Variants in PRIM2 observed in about 807,000 individuals in gnomAD.
PRIM2 encodes the protein DNA primase large subunit.
PRIM2 carries 39 observed loss-of-function variants against 67.3 expected under a neutral mutation model. The ratio of observed to expected loss-of-function variants is 0.58; its 90% CI spans 0.45 to 0.76. The LOEUF (loss-of-function observed/expected upper bound fraction) is 0.76. Among genes scored for constraint, PRIM2 ranks in the 30% least tolerant of loss-of-function variants. The probability of loss-of-function intolerance (pLI) is 0.00; values close to 1 mark genes in which losing one functional copy is unlikely to be tolerated. For synonymous variants in PRIM2, 143 were observed against 198.7 expected (o/e 0.72, Z 2.36); for missense variants, 398 against 598.7 (o/e 0.66, Z 3.50).
chr6:57,586,160 G>T (rs1345297353), intron 10 of PRIM2, among the ~76,000 whole-genome samples: 3 of 152,184 alleles, frequency 2.0e-5, no homozygotes, highest in Non-Finnish European at 4.4e-5. Context: ...GGATTAGTAA[G>T]ATTAGAGAGG....
chr6:57,459,991 C>G (rs1772946357), intron 7 of PRIM2, among the ~76,000 whole-genome samples: 2 of 152,148 alleles, frequency 1.3e-5, no homozygotes, highest in Non-Finnish European at 1.5e-5. Context: ...CCCTCCTGGT[C>G]ATGAAACATT....
chr6:57,300,567 A>G, the PRIM2 span, among the ~76,000 whole-genome samples: 1 of 152,062 alleles, frequency 6.6e-6, no homozygotes, highest in Non-Finnish European at 1.5e-5. Context: ...TTTGAACTCA[A>G]TCTTCCCATA....
At chr6:57,432,382 GAATGAGA>G (rs148706223) in intron 7 of PRIM2, among the ~76,000 whole-genome samples, 9,313 of 152,164 alleles carry the variant, frequency 0.061, 571 homozygotes, top group African/African-American at 0.16. Context: ...GAAGGGCATT[GAATGAGA>G]AATCTGGGAG....
rs564130683 is a variant in PRIM2 at position 57,411,893 on chromosome 6, A to G, written c.693+29725A>G. On this transcript the variant is annotated intron_variant, in intron 7 of 13. Coordinates refer to ENST00000615550, the MANE Select transcript of PRIM2 (RefSeq NM_000947.5). ...ATAGCAGCATAGTATAAATAATACA[A>G]TTTAATAATGTAATATATAGAGTTG... Among the ~76,000 whole-genome samples the G allele has an allele frequency of 5.8e-3, 888 of 151,930 alleles. 36 individuals carry two copies. The highest frequency in any genetic ancestry group is 0.054 in the Admixed American group (825 of 15,248).
At chr6:57,387,178 T>A (rs981840078) in intron 7 of PRIM2, among the ~76,000 whole-genome samples, 4 of 152,180 alleles carry the variant, frequency 2.6e-5, no homozygotes, top group Non-Finnish European at 5.9e-5. Flanking sequence ...TCATTATGTG[T>A]TTTCCTCCTC....
At chr6:57,407,352 TAAG>T (rs1449034057) in intron 7 of PRIM2, among the ~76,000 whole-genome samples, 1 of 151,948 alleles carries the variant, frequency 6.6e-6, no homozygotes, top group Non-Finnish European at 1.5e-5. Context: ...TTCAAAATAT[TAAG>T]AAGGAAATAA....
intron 7 of PRIM2, among the ~76,000 whole-genome samples, chr6:57,480,155 A>AAGGAG (rs1773579611): frequency 6.6e-6 from 1 of 152,216 alleles, no homozygotes; most frequent in Non-Finnish European, 1.5e-5. Context: ...ACTTGGAAGT[A>AAGGAG]AGGAGAGGTG....
intron 7 of PRIM2, among the ~76,000 whole-genome samples, chr6:57,392,552 A>T (rs1349438815): frequency 2.0e-5 from 3 of 152,136 alleles, no homozygotes; most frequent in Non-Finnish European, 4.4e-5. Flanking sequence ...TCAAATAAAA[A>T]GGAACATAGA....
intron 5 of PRIM2, among the ~76,000 whole-genome samples, chr6:57,372,508 T>A (rs528590130): frequency 6.6e-6 from 1 of 152,180 alleles, no homozygotes; most frequent in African/African-American, 2.4e-5. Flanking sequence ...TCTACTAGAT[T>A]GACACAACTA....
the PRIM2 span, among the ~76,000 whole-genome samples, chr6:57,276,116 G>A: frequency 0.049 from 7,414 of 152,228 alleles, 225 homozygotes; most frequent in Non-Finnish European, 0.072. Context: ...TGGGCCAGGC[G>A]CAGTGGCTCA....
At chr6:57,475,197 T>C (rs1773447050) in intron 7 of PRIM2, among the ~76,000 whole-genome samples, 1 of 152,200 alleles carries the variant, frequency 6.6e-6, no homozygotes, top group Non-Finnish European at 1.5e-5. Context: ...TACAACTTTT[T>C]TGTAATCAGT....
At chr6:57,571,739 C>A (rs1775866777) in intron 10 of PRIM2, among the ~76,000 whole-genome samples, 1 of 152,196 alleles carries the variant, frequency 6.6e-6, no homozygotes, top group Admixed American at 6.5e-5. Context: ...GTCAGACTCA[C>A]AAAACCAAAA....
chr6:57,501,678 ATAAC>A (rs1774135295), intron 7 of PRIM2, among the ~76,000 whole-genome samples: 1 of 152,236 alleles, frequency 6.6e-6, no homozygotes, highest in African/African-American at 2.4e-5. Context: ...CTCTTTCAAA[ATAAC>A]TAACCTACCA....
intron 12 of PRIM2, among the ~76,000 whole-genome samples, chr6:57,623,501 ATATT>A (rs1776894635): frequency 1.3e-5 from 2 of 152,164 alleles, no homozygotes; most frequent in African/African-American, 2.4e-5. Flanking sequence ...ACATCTTTCT[ATATT>A]TATTATGTAT....
the PRIM2 span, among the ~76,000 whole-genome samples, chr6:57,267,756 TAAA>T: frequency 1.3e-5 from 2 of 150,550 alleles, no homozygotes; most frequent in African/African-American, 4.9e-5. Context: ...AAAAAAATTT[TAAA>T]ATTAGCTAGG....
At chr6:57,474,311 A>T (rs1773417954) in intron 7 of PRIM2, among the ~76,000 whole-genome samples, 1 of 143,436 alleles carries the variant, frequency 7.0e-6, no homozygotes, top group South Asian at 2.2e-4. Context: ...AGTAGCTGAG[A>T]CTACAGGCAC....
chr6:57,304,349 G>T, the PRIM2 span, among the ~76,000 whole-genome samples: 1 of 152,186 alleles, frequency 6.6e-6, no homozygotes, highest in Non-Finnish European at 1.5e-5. Context: ...TGCTTTACAA[G>T]TGCCAATACT....
chr6:57,542,228 G>C (rs1455600002), intron 10 of PRIM2, among the ~76,000 whole-genome samples: 1 of 152,120 alleles, frequency 6.6e-6, no homozygotes, highest in Non-Finnish European at 1.5e-5. Flanking sequence ...CACCCGCCTT[G>C]GCCTGCCAAA....
chr6:57,517,899 C>T (rs1365706915), intron 8 of PRIM2, among the ~76,000 whole-genome samples: 1 of 152,136 alleles, frequency 6.6e-6, no homozygotes, highest in African/African-American at 2.4e-5. Context: ...GATTCCTGTC[C>T]TGGATCTTTT....
Sources: gnomAD v4.1 joint callset for allele counts (sites outside exome capture counted in the v4.1 genomes callset) on GRCh38, gnomAD v4.1.1 for gene constraint, MANE v1.5 for transcripts, NCBI Gene and HGNC (gene_info 2026-07-23, HGNC 2026-07-21) for gene names.